CDH20: variants seen among roughly 807,000 people sequenced by gnomAD.
CDH20 encodes cadherin 20, also known as cadherin-20.
Under a neutral mutation model 74.2 loss-of-function variants are expected in CDH20, and 29 were observed. That is an observed-to-expected ratio of 0.39 (90% CI 0.29 to 0.53). The LOEUF (loss-of-function observed/expected upper bound fraction) is 0.53. CDH20 is among the 20% of genes least tolerant of loss of function. The probability of loss-of-function intolerance (pLI) is 0.69; values close to 1 mark genes in which losing one functional copy is unlikely to be tolerated. For missense variants in CDH20, 988 were observed against 1,048.3 expected (o/e 0.94, Z 0.79); for synonymous variants, 469 against 405.4 (o/e 1.16, Z -1.88).
intron 1 of CDH20, among the ~76,000 whole-genome samples, chr18:61,369,140 G>T (rs116001323): frequency 3.3e-5 from 5 of 151,940 alleles, no homozygotes. Flanking sequence ...CTCTGCATCC[G>T]GTGGATATGT....
chr18:61,503,877 A>C (rs1020874060), intron 5 of CDH20, among the ~76,000 whole-genome samples: 5 of 152,234 alleles, frequency 3.3e-5, no homozygotes, highest in African/African-American at 1.2e-4. Flanking sequence ...ATAGGCAGAA[A>C]AGAAAACATT....
intron 1 of CDH20, among the ~76,000 whole-genome samples, chr18:61,441,808 T>C (rs1232226998): frequency 6.6e-6 from 1 of 152,180 alleles, no homozygotes; most frequent in Non-Finnish European, 1.5e-5. Context: ...AGTTTAATTA[T>C]AATGTAGTTT....
chr18:61,414,670 T>A (rs1477205822), intron 1 of CDH20, among the ~76,000 whole-genome samples: 1 of 152,042 alleles, frequency 6.6e-6, no homozygotes, highest in African/African-American at 2.4e-5. Context: ...AATAAAGGCA[T>A]GAATGGGACA....
chr18:61,351,580 G>T (rs1343164075), intron 1 of CDH20, among the ~76,000 whole-genome samples: 1 of 151,830 alleles, frequency 6.6e-6, no homozygotes, highest in Non-Finnish European at 1.5e-5. Context: ...CAGGAGAGAA[G>T]AACTTGTTTA....
intron 1 of CDH20, among the ~76,000 whole-genome samples, chr18:61,406,410 C>G (rs529784604): frequency 6.6e-6 from 1 of 152,304 alleles, no homozygotes; most frequent in East Asian, 1.9e-4. Flanking sequence ...CTATTATGTG[C>G]CAGGCACTGT....
chr18:61,540,613 A>C (rs1912999913), intron 9 of CDH20, among the ~76,000 whole-genome samples: 2 of 152,238 alleles, frequency 1.3e-5, no homozygotes, highest in South Asian at 4.2e-4. Flanking sequence ...CCCGCAATTC[A>C]ATTATCTCCC....
intron 1 of CDH20, among the ~76,000 whole-genome samples, chr18:61,469,814 T>C (rs887211547): frequency 3.3e-5 from 5 of 152,176 alleles, no homozygotes; most frequent in Admixed American, 3.3e-4. Flanking sequence ...TAGTTACACA[T>C]ACACATACAT....
At chr18:61,459,211 T>G (rs1243634899) in intron 1 of CDH20, among the ~76,000 whole-genome samples, 1 of 152,180 alleles carries the variant, frequency 6.6e-6, no homozygotes, top group Non-Finnish European at 1.5e-5. Context: ...GCTAAGTACA[T>G]AGTAAGGACA....
At chr18:61,544,927 TA>T in intron 9 of CDH20, 99 bp from the exon 10 acceptor site, 1 of 780,150 alleles carries the variant, frequency 1.3e-6, no homozygotes, top group Non-Finnish European at 2.3e-6. Flanking sequence ...TCTCATAAGG[TA>T]AAACATCCCA....
chr18:61,452,922 GC>G (rs1020418332), intron 1 of CDH20, among the ~76,000 whole-genome samples: 1 of 152,072 alleles, frequency 6.6e-6, no homozygotes, highest in Non-Finnish European at 1.5e-5. Flanking sequence ...TAAAAAGTAG[GC>G]CCCCTTTCTT....
At chr18:61,343,806 G>A (rs954272311) in intron 1 of CDH20, among the ~76,000 whole-genome samples, 1 of 152,172 alleles carries the variant, frequency 6.6e-6, no homozygotes, top group African/African-American at 2.4e-5. Context: ...TGCTGTGGAG[G>A]CCTGGACCAG....
At chr18:61,497,596 G>T (rs959849590) in intron 2 of CDH20, among the ~76,000 whole-genome samples, 1 of 152,128 alleles carries the variant, frequency 6.6e-6, no homozygotes, top group African/African-American at 2.4e-5. Context: ...CGTGTATCAT[G>T]GTTGGCCCCA....
At chr18:61,446,660 C>T (rs1909213948) in intron 1 of CDH20, among the ~76,000 whole-genome samples, 1 of 152,014 alleles carries the variant, frequency 6.6e-6, no homozygotes, top group South Asian at 2.1e-4. Flanking sequence ...TATCAAGTAC[C>T]TTCTAATCCC....
chr18:61,359,917 G>A (rs1417803863), intron 1 of CDH20, among the ~76,000 whole-genome samples: 1 of 152,196 alleles, frequency 6.6e-6, no homozygotes, highest in Non-Finnish European at 1.5e-5. Flanking sequence ...AAGAGATACA[G>A]GCAGCCATTC....
intron 1 of CDH20, among the ~76,000 whole-genome samples, chr18:61,487,857 A>G (rs1367979995): frequency 6.6e-6 from 1 of 152,154 alleles, no homozygotes; most frequent in African/African-American, 2.4e-5. Context: ...AATATAAAAA[A>G]CACTACTTAC....
chr18:61,533,231 C>T (rs938168783), intron 7 of CDH20, among the ~76,000 whole-genome samples: 11 of 152,038 alleles, frequency 7.2e-5, no homozygotes, highest in Non-Finnish European at 1.3e-4. Flanking sequence ...TCACTGGAGC[C>T]GAGGAGTTTG....
At chr18:61,457,299 G>A (rs1448432455) in intron 1 of CDH20, among the ~76,000 whole-genome samples, 5 of 152,034 alleles carry the variant, frequency 3.3e-5, no homozygotes, top group African/African-American at 4.8e-5. Flanking sequence ...AATAATTACA[G>A]TCATACCCAG....
intron 1 of CDH20, among the ~76,000 whole-genome samples, chr18:61,415,798 C>T (rs1015355459): frequency 6.6e-6 from 1 of 151,936 alleles, no homozygotes; most frequent in South Asian, 2.1e-4. Context: ...CTAAAAGCAG[C>T]GGACCACAAA....
At chr18:61,397,062 G>A (rs540410291) in intron 1 of CDH20, among the ~76,000 whole-genome samples, 17 of 152,192 alleles carry the variant, frequency 1.1e-4, no homozygotes, top group East Asian at 7.7e-4. Context: ...CAAATATAAC[G>A]TGCTGCCAGT....
Sources: allele counts gnomAD v4.1 joint callset (sites outside exome capture counted in the v4.1 genomes callset), GRCh38; gene constraint gnomAD v4.1.1; transcripts MANE v1.5; gene names NCBI Gene and HGNC (gene_info 2026-07-23, HGNC 2026-07-21).